Variants in ZNF398 observed in about 807,000 individuals in gnomAD.
ZNF398 encodes zinc finger protein 398, also known as zinc finger DNA binding protein ZER6.
In ZNF398, 18 loss-of-function variants were observed where a neutral mutation model predicts 41.9. The observed-to-expected ratio is 0.43, with a 90% CI of 0.30 to 0.64. The LOEUF is 0.64. Ranked by LOEUF, ZNF398 falls within the 30% of genes least tolerant of loss-of-function variation. The pLI, the probability that ZNF398 is intolerant of heterozygous loss-of-function variation, is 0.14. For synonymous variants in ZNF398, 260 were observed against 308.8 expected, an observed-to-expected ratio of 0.84 and a Z score of 1.66; for missense variants, 669 against 822.8, an observed-to-expected ratio of 0.81 and a Z score of 2.29.
chr7:149,161,871 G>A (rs1795111143), intron 2 of ZNF398, among the ~76,000 whole-genome samples: 1 of 151,468 alleles, frequency 6.6e-6, no homozygotes, highest in African/African-American at 2.4e-5. Context: ...AAACTCCAGT[G>A]TTTTTGCAAT....
At chr7:149,159,567 G>C (rs1483142622) in intron 2 of ZNF398, among the ~76,000 whole-genome samples, 1 of 151,890 alleles carries the variant, frequency 6.6e-6, no homozygotes, top group Non-Finnish European at 1.5e-5. Flanking sequence ...AGAATGGCGT[G>C]AACCCGGGAG....
chr7:149,169,257 G>A (rs187371223), intron 4 of ZNF398, among the ~76,000 whole-genome samples: 90 of 152,212 alleles, frequency 5.9e-4, no homozygotes, highest in African/African-American at 2.0e-3. Context: ...GCTAATTTTT[G>A]TATTTTTAGT....
intron 3 of ZNF398, among the ~76,000 whole-genome samples, chr7:149,166,542 A>G (rs1795229015): frequency 6.6e-6 from 1 of 152,160 alleles, no homozygotes; most frequent in Non-Finnish European, 1.5e-5. Flanking sequence ...CTTCACTTGG[A>G]AAGGAGCTTG....
chr7:149,130,239 G>A (rs978764735), intron 2 of ZNF398, among the ~76,000 whole-genome samples: 1 of 151,968 alleles, frequency 6.6e-6, no homozygotes, highest in East Asian at 1.9e-4. Flanking sequence ...GGGATTACAG[G>A]TGCACACCAC....
chr7:149,132,789 G>A (rs114542361), intron 2 of ZNF398, among the ~76,000 whole-genome samples: 114 of 152,234 alleles, frequency 7.5e-4, no homozygotes, highest in African/African-American at 2.5e-3. Context: ...AACAGAAGAT[G>A]GAGCCGCCAT....
intron 2 of ZNF398, among the ~76,000 whole-genome samples, chr7:149,133,848 T>C (rs889515051): frequency 6.7e-6 from 1 of 150,034 alleles, no homozygotes; most frequent in African/African-American, 2.4e-5. Flanking sequence ...GCCTCCTGCG[T>C]TCAAGCGATT....
At chr7:149,140,937 G>A (rs1826809119) in intron 2 of ZNF398, among the ~76,000 whole-genome samples, 2 of 151,410 alleles carry the variant, frequency 1.3e-5, no homozygotes, top group Admixed American at 1.3e-4. Context: ...CTACTTGGGA[G>A]GCTGAGACGG....
intron 1 of ZNF398, chr7:149,148,493 C>T (rs932133923): frequency 1.5e-4 from 145 of 985,452 alleles, no homozygotes; most frequent in Non-Finnish European, 1.7e-4. Flanking sequence ...TCTTTGGTCA[C>T]CTCTAGGAGA....
chr7:149,147,834 G>A lies in ZNF398; in HGVS notation c.24+68G>A, dbSNP rs1046994280. 2.6e-5 allele frequency: 34 copies of A among 1,316,024 alleles called. No individual in the cohort carries two copies. The highest frequency in any genetic ancestry group is 3.1e-5 in the Non-Finnish European group (32 of 1,028,286). The allele number at this position is 1,316,024 out of a possible 1,614,324, so 81.5% of individuals were successfully genotyped here. A position where few individuals can be genotyped will look rare whatever the true frequency, so the allele number is the denominator to read the frequency against. ...AGACCCCGAGGGAGGAAGGCGGGCGGGCAGGGAGCTGCCAGGCATAGGCGC... is the reference window on the plus strand; with the variant it reads ...AGACCCCGAGGGAGGAAGGCGGGCGAGCAGGGAGCTGCCAGGCATAGGCGC... On this transcript the variant is annotated intron_variant, in intron 1 of 5. Transcript: ENST00000475153. The surrounding 1 kb of genome is among the most constrained non-coding windows in gnomAD (Gnocchi z 5.6).
chr7:149,170,684 G>A (rs1412764327), intron 4 of ZNF398, among the ~76,000 whole-genome samples: 2 of 151,496 alleles, frequency 1.3e-5, no homozygotes, highest in Admixed American at 1.3e-4. Flanking sequence ...GCAGTGAGCC[G>A]AGATTACACC....
At chr7:149,133,843 C>A (rs1471854959) in intron 2 of ZNF398, among the ~76,000 whole-genome samples, 1 of 150,092 alleles carries the variant, frequency 6.7e-6, no homozygotes, top group East Asian at 2.0e-4. Flanking sequence ...CCTCTGCCTC[C>A]TGCGTTCAAG....
chr7:149,147,416 G>C (rs1180221082), upstream of ZNF398: 1 of 182,232 alleles, frequency 5.5e-6, no homozygotes, highest in African/African-American at 2.4e-5. This position sits in a 1 kb window ranked among gnomAD's most constrained non-coding sequence, Gnocchi z 5.6. Context: ...TGGGCAGCGC[G>C]AGCCTGCGGC....
chr7:149,155,903 T>G (rs1794967244), intron 2 of ZNF398, among the ~76,000 whole-genome samples: 1 of 151,566 alleles, frequency 6.6e-6, no homozygotes, highest in South Asian at 2.1e-4. Flanking sequence ...ATTTTTTGTA[T>G]TTTTAGTAGA....
intron 2 of ZNF398, among the ~76,000 whole-genome samples, chr7:149,140,225 C>T (rs4727020): frequency 0.66 from 99,957 of 151,820 alleles, 34,272 homozygotes; most frequent in East Asian, 0.95. Context: ...ATATTTAGAG[C>T]GTGTTATCTA....
Position 149,166,981 on chromosome 7 carries a change from A to T in ZNF398, c.661+51A>T, listed in dbSNP as rs151094307. The T allele has an allele frequency of 2.0e-4, 272 of 1,373,282 alleles. 2 individuals are homozygous for T. In the African/African-American group the frequency reaches 3.3e-3, roughly 17 times the overall value. The allele number at this position is 1,373,282 out of a possible 1,614,324, so 85.1% of individuals were successfully genotyped here. ...TCTTGTCTCCCTTTCCTGGTCAGAC[A>T]TGGTGGCTCAGAGCTAAGCAGGGCT... On this transcript the variant is annotated intron_variant, in intron 4 of 5. Coordinates refer to ENST00000475153, the MANE Select transcript of ZNF398 (RefSeq NM_170686.3).
At chr7:149,133,664 TATATATATATATATAC>T (rs1220089014) in intron 2 of ZNF398, among the ~76,000 whole-genome samples, 1 of 48,516 alleles carries the variant, frequency 2.1e-5, no homozygotes, top group Non-Finnish European at 4.0e-5. Flanking sequence ...AATATATATA[TATATATATATATATAC>T]ATATATATGT....
intron 4 of ZNF398, among the ~76,000 whole-genome samples, chr7:149,176,055 G>A (rs557842276): frequency 5.3e-5 from 8 of 152,190 alleles, no homozygotes; most frequent in Admixed American, 6.6e-5. Flanking sequence ...ATTTGGGGCC[G>A]GGCGCGGTGG....
chr7:149,165,343 A>G (rs1280201633), intron 2 of ZNF398, among the ~76,000 whole-genome samples: 1 of 152,230 alleles, frequency 6.6e-6, no homozygotes, highest in Admixed American at 6.5e-5. Flanking sequence ...GAAGAAAAGC[A>G]TATGCTTCAT....
intron 1 of ZNF398, chr7:149,148,045 G>T: frequency 2.8e-6 from 1 of 362,332 alleles, no homozygotes; most frequent in Non-Finnish European, 4.9e-6. Context: ...GAAGTCGAGG[G>T]GGTGCCTGCT....
Sources: allele counts gnomAD v4.1 joint callset (sites outside exome capture counted in the v4.1 genomes callset), GRCh38; gene constraint gnomAD v4.1.1; non-coding constraint Gnocchi (gnomAD v3.1); transcripts MANE v1.5; gene names NCBI Gene and HGNC (gene_info 2026-07-23, HGNC 2026-07-21).